Variants in CNTN1 observed in about 807,000 individuals in gnomAD.
CNTN1 encodes the protein contactin 1.
A neutral mutation model predicts 126.4 loss-of-function variants in CNTN1; 38 were observed. The ratio of observed to expected loss-of-function variants is 0.30; its 90% confidence interval spans 0.23 to 0.39. CNTN1 has a LOEUF of 0.39. CNTN1 is among the 10% of genes least tolerant of loss of function. The pLI, the probability that CNTN1 is intolerant of heterozygous loss-of-function variation, is 1.00. For missense variants in CNTN1, 1,009 were observed against 1,248.4 expected, an observed-to-expected ratio of 0.81 and a Z score of 2.89; for synonymous variants, 413 against 422.6, an observed-to-expected ratio of 0.98 and a Z score of 0.28.
At chr12:41,066,090 G>C (rs1165646051) in intron 23 of CNTN1, among the ~76,000 whole-genome samples, 1 of 152,002 alleles carries the variant, frequency 6.6e-6, no homozygotes, top group African/African-American at 2.4e-5. Flanking sequence ...ATATGGCCAG[G>C]GCCATTAATA....
At chr12:40,866,310 CT>C (rs1390821955) in intron 1 of CNTN1, among the ~76,000 whole-genome samples, 1 of 151,800 alleles carries the variant, frequency 6.6e-6, no homozygotes, top group Non-Finnish European at 1.5e-5. Flanking sequence ...ATTTCTATTT[CT>C]TATCTATTTG....
Position 40,980,887 on chromosome 12 carries a change from A to T in CNTN1, c.1805-22A>T, listed in dbSNP as rs907358107. ...CTCACTAGATGGAATTCACTGATTCATTACCCACATTTTCATTTCAGGCCC... is the reference window on the plus strand; with the variant it reads ...CTCACTAGATGGAATTCACTGATTCTTTACCCACATTTTCATTTCAGGCCC... On this transcript the variant is annotated intron_variant, in intron 15 of 23. Coordinates refer to ENST00000551295, the MANE Select transcript of CNTN1 (RefSeq NM_001843.4). 9.9e-6 allele frequency: 16 copies of T among 1,611,852 alleles called. No homozygotes were observed. The Admixed American group carries it at 1.8e-4, about 18-fold the overall frequency.
At chr12:40,959,527 C>A (rs4584640) in intron 15 of CNTN1, among the ~76,000 whole-genome samples, 1 of 152,080 alleles carries the variant, frequency 6.6e-6, no homozygotes, top group Non-Finnish European at 1.5e-5. Context: ...TCGTTTCCTG[C>A]TAATACTTTT....
chr12:41,024,248 G>T (rs1044885417), intron 20 of CNTN1, among the ~76,000 whole-genome samples: 1 of 152,070 alleles, frequency 6.6e-6, no homozygotes, highest in Non-Finnish European at 1.5e-5. Flanking sequence ...TTGGTTAATT[G>T]TGAAATTACA....
intron 23 of CNTN1, among the ~76,000 whole-genome samples, chr12:41,060,375 T>G (rs910196792): frequency 6.6e-6 from 1 of 152,232 alleles, no homozygotes; most frequent in African/African-American, 2.4e-5. Flanking sequence ...AACCTTGGCA[T>G]AGTGGAACAT....
chr12:41,029,271 A>T (rs1949094729), intron 23 of CNTN1, 52 bp downstream of exon 23: 2 of 1,601,348 alleles, frequency 1.2e-6, no homozygotes, highest in African/African-American at 2.7e-5. Flanking sequence ...GAGTTTCTAG[A>T]CCCTGTGGAT....
At chr12:41,022,068 A>G (rs908461506) in intron 20 of CNTN1, among the ~76,000 whole-genome samples, 3 of 152,184 alleles carry the variant, frequency 2.0e-5, no homozygotes, top group Non-Finnish European at 4.4e-5. Context: ...AACATGCTAG[A>G]AAATTATATA....
chr12:40,987,778 C>A (rs1050401292), intron 16 of CNTN1, among the ~76,000 whole-genome samples: 2 of 152,096 alleles, frequency 1.3e-5, no homozygotes, highest in Non-Finnish European at 2.9e-5. Flanking sequence ...ACAGCCAAAA[C>A]CCATGAGCTG....
chr12:40,888,021 G>T (rs572986378), intron 1 of CNTN1, among the ~76,000 whole-genome samples: 1 of 116,238 alleles, frequency 8.6e-6, no homozygotes, highest in Non-Finnish European at 1.7e-5. Context: ...TTGTGGGGTG[G>T]GGGGAGGGAG....
At chr12:40,949,175 AAT>A (rs1946553565) in intron 14 of CNTN1, among the ~76,000 whole-genome samples, 2 of 117,992 alleles carry the variant, frequency 1.7e-5, no homozygotes, top group African/African-American at 6.1e-5. Flanking sequence ...GGAGAGGAAA[AAT>A]GATAAAACAG....
chr12:40,771,242 G>A (rs1939325100), intron 1 of CNTN1, among the ~76,000 whole-genome samples: 1 of 152,058 alleles, frequency 6.6e-6, no homozygotes, highest in South Asian at 2.1e-4. Context: ...CACTCAGAGA[G>A]TATTAGAATC....
intron 1 of CNTN1, among the ~76,000 whole-genome samples, chr12:40,849,203 C>T (rs1381807370): frequency 1.3e-5 from 2 of 152,142 alleles, no homozygotes; most frequent in South Asian, 4.1e-4. Context: ...TCATGAAGTA[C>T]AAGTGAAATA....
At chr12:40,964,914 G>T (rs529021830) in intron 15 of CNTN1, among the ~76,000 whole-genome samples, 1 of 152,080 alleles carries the variant, frequency 6.6e-6, no homozygotes, top group Non-Finnish European at 1.5e-5. Context: ...CTCCCAGCTG[G>T]TTTACATTAG....
chr12:40,967,963 A>G (rs1432969996), intron 15 of CNTN1, among the ~76,000 whole-genome samples: 1 of 151,264 alleles, frequency 6.6e-6, no homozygotes, highest in Non-Finnish European at 1.5e-5. Flanking sequence ...TATATGTCAT[A>G]TAACATGTAT....
At chr12:40,818,287 T>C (rs1303322969) in intron 1 of CNTN1, among the ~76,000 whole-genome samples, 2 of 152,168 alleles carry the variant, frequency 1.3e-5, no homozygotes, top group Non-Finnish European at 1.5e-5. Flanking sequence ...ATCCTCCCCA[T>C]CTCCTTCTGG....
chr12:40,937,002 A>G, intron 10 of CNTN1, 97 bp downstream of exon 10: 1 of 1,472,464 alleles, frequency 6.8e-7, no homozygotes, highest in South Asian at 1.1e-5. Flanking sequence ...ACAATACAGA[A>G]AGGGCACTTG....
chr12:40,872,487 T>G (rs1167725250), intron 1 of CNTN1, among the ~76,000 whole-genome samples: 1 of 151,970 alleles, frequency 6.6e-6, no homozygotes, highest in Non-Finnish European at 1.5e-5. Context: ...GCGAAATGCC[T>G]CTGATATTCA....
intron 3 of CNTN1, among the ~76,000 whole-genome samples, chr12:40,912,236 T>C (rs537993221): frequency 6.6e-6 from 1 of 152,276 alleles, no homozygotes; most frequent in South Asian, 2.1e-4. Context: ...TTTTTTTAGA[T>C]TTTGTGAAAG....
chr12:40,841,682 G>A (rs1372651689), intron 1 of CNTN1, among the ~76,000 whole-genome samples: 6 of 96,798 alleles, frequency 6.2e-5, no homozygotes, highest in African/African-American at 2.1e-4. Flanking sequence ...AAAACCATAT[G>A]ATATTCCAAT....
Sources: allele counts gnomAD v4.1 joint callset (sites outside exome capture counted in the v4.1 genomes callset), GRCh38; gene constraint gnomAD v4.1.1; transcripts MANE v1.5; gene names NCBI Gene and HGNC (gene_info 2026-07-23, HGNC 2026-07-21).